The following CNTNAP1 variants were observed in gnomAD, a reference collection of about 807,000 sequenced individuals.
CNTNAP1 encodes the protein contactin-associated protein 1.
CNTNAP1 carries 80 observed loss-of-function variants against 161.5 expected under a neutral mutation model. The observed-to-expected ratio is 0.50, with a 90% CI of 0.41 to 0.60. CNTNAP1 has a LOEUF of 0.60. Among genes scored for constraint, CNTNAP1 ranks in the 20% least tolerant of loss-of-function variants. CNTNAP1 has a pLI of 0.00. For missense variants in CNTNAP1, 1,464 were observed against 1,854.8 expected (o/e 0.79, Z 3.87); for synonymous variants, 695 against 733.1 (o/e 0.95, Z 0.84).
In CNTNAP1 at chr17:42,686,156, A is replaced by G. The variant is rs2053004431; in HGVS notation, c.900+15A>G. On this transcript the variant is annotated intron_variant, in intron 6 of 23. Transcript: ENST00000264638. ...TGGACACTGAGGTGAGAGACTAGGG[A>G]GGTGCTATTTCGTGGTAGGGTAGAT... is the stretch of plus-strand genomic sequence containing the variant. The G allele has an allele frequency of 2.5e-6, 4 of 1,613,124 alleles. No homozygotes were observed. Among genetic ancestry groups the G allele is most frequent in the Admixed American group, 1.7e-5 (1 of 59,976 alleles).
Position 42,687,552 on chromosome 17 carries a change from A to G in CNTNAP1, c.1045-168A>G. On this transcript the variant is annotated intron_variant, in intron 7 of 23. Coordinates refer to ENST00000264638, the MANE Select transcript of CNTNAP1 (RefSeq NM_003632.3). The surrounding 1 kb of genome is among the most constrained non-coding windows in gnomAD (Gnocchi z 4.7). ...CCGACTGGGTTGGGGCCCCCTCCACAGATGGACGAGCTTGGAGGGGAAGAG... is the reference window on the plus strand; with the variant it reads ...CCGACTGGGTTGGGGCCCCCTCCACGGATGGACGAGCTTGGAGGGGAAGAG... 1.1e-6 allele frequency: 1 copy of G among 894,202 alleles called. No individual in the cohort carries two copies. The highest frequency in any genetic ancestry group is 2.6e-5 in the East Asian group (1 of 38,404). The allele number at this position is 894,202 out of a possible 1,614,324, so 55.4% of individuals were successfully genotyped here.
chr17:42,686,826 A>G (rs1411383045), intron 6 of CNTNAP1, 77 bp from the exon 7 acceptor site: 1 of 1,482,846 alleles, frequency 6.7e-7, no homozygotes, highest in East Asian at 2.3e-5. Flanking sequence ...CATTTGGGAA[A>G]GCATACGGCG....
chr17:42,682,862 C>T lies in CNTNAP1; in HGVS notation c.33C>T (p.Leu11=), dbSNP rs756221733. The change falls in exon 1 of 24, where the codon CTC becomes CTT. Residue 11 remains leucine (L), a synonymous_variant. Transcript: ENST00000264638. MMHLRLFCIL[L]AAVSGAEGWG... Reference sequence around the variant, plus strand: ...ATCTCCGGCTCTTCTGCATCCTGCTCGCCGCGGTCTCAGGAGCCGAGGGCT... The same window carrying T: ...ATCTCCGGCTCTTCTGCATCCTGCTTGCCGCGGTCTCAGGAGCCGAGGGCT... The T allele has an allele frequency of 2.5e-6, 4 of 1,598,488 alleles. No individual in the cohort carries two copies. Among genetic ancestry groups the T allele is most frequent in the African/African-American group, 1.3e-5 (1 of 74,618 alleles).
At position 42,685,983 on chromosome 17, in the gene CNTNAP1, G is replaced by A. The variant is rs2053000687; in HGVS notation, c.742G>A (p.Gly248Ser). Residue 248 changes from glycine to serine, a missense_variant, in exon 6 of 24, where the codon GGT becomes AGT. Physicochemically the swap from Gly to Ser is moderately conservative, Grantham distance 56 (BLOSUM62 0). Transcript: ENST00000264638. The surrounding 1 kb of genome is among the most constrained non-coding windows in gnomAD (Gnocchi z 5.0). ...LGSSPIQPRP[G>S]HTTVSAGGVL... ...CAGCAGCCCTATCCAGCCAAGACCA[G>A]GTCACACCACCGTGAGCGCAGGCGG... is the stretch of plus-strand genomic sequence containing the variant. 1 of 1,614,030 alleles carries A rather than the reference G, an allele frequency of 6.2e-7. No individual in the cohort carries two copies. The highest frequency in any genetic ancestry group is 8.5e-7 in the Non-Finnish European group (1 of 1,180,036).
rs1278548856 is a variant in CNTNAP1, at chr17:42,698,778, G to A, written c.4023G>A (p.Gln1341=). Residue 1341 remains glutamine (Q), a synonymous_variant, in exon 24 of 24, where the codon CAG becomes CAA. Transcript: ENST00000264638. ...CCCTACCCACTTCAGGCCCTGCCCAGGTCCCCACCCCTACAGCAGCTCCCA... is the reference window on the plus strand; with the variant it reads ...CCCTACCCACTTCAGGCCCTGCCCAAGTCCCCACCCCTACAGCAGCTCCCA... ...KPPLPTSGPA[Q]VPTPTAAPNQ... 7 of 1,612,150 alleles carry A rather than the reference G, an allele frequency of 4.3e-6. No individual in the cohort carries two copies. The highest frequency in any genetic ancestry group is 1.7e-5 in the Admixed American group (1 of 59,938).
chr17:42,692,606 G>A lies in CNTNAP1; in HGVS notation c.2638G>A (p.Ala880Thr). 3.1e-6 allele frequency: 5 copies of A among 1,614,220 alleles called. 1 individual carries two copies. Among genetic ancestry groups the A allele is most frequent in the Non-Finnish European group, 4.2e-6 (5 of 1,180,036 alleles). The part of the protein sequence containing the change: ...FNDDEWHLVR[A>T]EINVKQARLR... ...TGATGACGAGTGGCACCTGGTCCGG[G>A]CTGAAATCAACGTGAAGCAGGCCCG... Residue 880 changes from alanine (A) to threonine (T), a missense_variant, in exon 17 of 24, where the codon GCT (alanine) becomes ACT (threonine). By Grantham distance (58) the Ala-to-Thr change is moderately conservative (BLOSUM62 0). This residue lies in a region of CNTNAP1 where 1,383 missense variants were observed against 1,765.0 expected (regional missense o/e 0.78). Coordinates refer to ENST00000264638, the MANE Select transcript of CNTNAP1 (RefSeq NM_003632.3).
rs758241476 is a variant in CNTNAP1 at position 42,685,011 on chromosome 17, C to T, written c.384C>T (p.Asn128=). Residue 128 remains asparagine (N), a synonymous_variant, in exon 4 of 24, where the codon AAC becomes AAT. Coordinates refer to ENST00000264638, the MANE Select transcript of CNTNAP1 (RefSeq NM_003632.3). The surrounding 1 kb of genome is among the most constrained non-coding windows in gnomAD (Gnocchi z 5.0). The part of the protein sequence containing the change: ...GHNSTFFGNV[N]ESAVVRHDLH... ...CGCAGACCTTCTTTGGTAACGTGAA[C>T]GAGTCGGCGGTGGTGCGCCATGACC... 3.1e-6 allele frequency: 5 copies of T among 1,606,222 alleles called. No homozygotes were observed. Among genetic ancestry groups the T allele is most frequent in the African/African-American group, 1.3e-5 (1 of 74,520 alleles).
At chr17:42,696,284 C>A in intron 20 of CNTNAP1, 132 bp downstream of exon 20, 1 of 1,157,576 alleles carries the variant, frequency 8.6e-7, no homozygotes, top group Non-Finnish European at 1.2e-6. Context: ...CGTGTGTCAC[C>A]TCATGTAACC....
intron 3 of CNTNAP1, 105 bp downstream of exon 3, chr17:42,684,334 C>T (rs1458872355): frequency 6.3e-6 from 7 of 1,114,518 alleles, no homozygotes; most frequent in Non-Finnish European, 9.1e-6. Flanking sequence ...GGTGAGGGCT[C>T]GGACAAGGAG....
chr17:42,685,003 A>T lies in CNTNAP1; in HGVS notation c.376A>T (p.Asn126Tyr). The T allele has an allele frequency of 6.2e-7, 1 of 1,607,124 alleles. No individual in the cohort carries two copies. The highest frequency in any genetic ancestry group is 8.5e-7 in the Non-Finnish European group (1 of 1,178,152). ...QRGHNSTFFG[N>Y]VNESAVVRHD... Reference sequence around the variant, plus strand: ...TCCACCCCCGCAGACCTTCTTTGGTAACGTGAACGAGTCGGCGGTGGTGCG... The same window carrying T: ...TCCACCCCCGCAGACCTTCTTTGGTTACGTGAACGAGTCGGCGGTGGTGCG... The change falls in exon 4 of 24, where the codon AAC becomes TAC. Residue 126 changes from asparagine to tyrosine, a missense_variant. Transcript: ENST00000264638. The surrounding 1 kb of genome is among the most constrained non-coding windows in gnomAD (Gnocchi z 5.0).
chr17:42,688,793 G>A (rs1195634121), intron 9 of CNTNAP1, 83 bp from the exon 10 acceptor site: 7 of 1,561,104 alleles, frequency 4.5e-6, no homozygotes, highest in Admixed American at 1.8e-5. Flanking sequence ...CTTCCTTTAT[G>A]TCTGGCTCCC....
At position 42,697,551 on chromosome 17, in the gene CNTNAP1, C is replaced by CA; in HGVS notation, c.3569-2dup. ...CCTCTTTCTGGGCCTGCCTCTCTCTCAGAGACAGGAGTCATTGACCCGGAG... is the reference window on the plus strand; with the variant it reads ...CCTCTTTCTGGGCCTGCCTCTCTCTCAAGAGACAGGAGTCATTGACCCGGAG... On this transcript the variant is annotated splice_polypyrimidine_tract_variant and splice_region_variant and intron_variant, in intron 21 of 23. Coordinates refer to ENST00000264638, the MANE Select transcript of CNTNAP1 (RefSeq NM_003632.3). 6.2e-7 allele frequency: 1 copy of CA among 1,613,936 alleles called. No homozygotes were observed. The highest frequency in any genetic ancestry group is 2.2e-5 in the East Asian group (1 of 44,880).
At chr17:42,698,493 C>G in intron 23 of CNTNAP1, 125 bp from the exon 24 acceptor site, 1 of 602,884 alleles carries the variant, frequency 1.7e-6, no homozygotes, top group Non-Finnish European at 2.7e-6. Context: ...AGGTGAAATC[C>G]CAAAGTGTGT....
At position 42,691,944 on chromosome 17, in the gene CNTNAP1, G is replaced by C. The variant is rs1318376547; in HGVS notation, c.2483G>C (p.Gly828Ala). Residue 828 changes from glycine (G) to alanine (A), a missense_variant, in exon 16 of 24, where the codon GGC (glycine) becomes GCC (alanine). Physicochemically the swap from Gly to Ala is moderately conservative, Grantham distance 60 (BLOSUM62 0). Coordinates refer to ENST00000264638, the MANE Select transcript of CNTNAP1 (RefSeq NM_003632.3). The surrounding 1 kb of genome is among the most constrained non-coding windows in gnomAD (Gnocchi z 4.3). ...PSGVFLENMG[G>A]PYCQWRRPYV... is the part of the protein sequence containing the mutation. ...GGGGTCTTCCTAGAGAATATGGGGGGCCCTTACTGCCAGTGGCGCCGACCT... is the reference window on the plus strand; with the variant it reads ...GGGGTCTTCCTAGAGAATATGGGGGCCCCTTACTGCCAGTGGCGCCGACCT... The C allele has an allele frequency of 6.2e-7, 1 of 1,614,114 alleles. No individual in the cohort carries two copies. The highest frequency in any genetic ancestry group is 1.7e-5 in the Admixed American group (1 of 60,024).
rs781400525 is a variant in CNTNAP1 at position 42,687,062 on chromosome 17, G to A, written c.1044+16G>A. The A allele has an allele frequency of 8.7e-6, 14 of 1,604,500 alleles. No homozygotes were observed. In the Admixed American group the frequency reaches 2.2e-4, roughly 25 times the overall value. On this transcript the variant is annotated intron_variant, in intron 7 of 23. Transcript: ENST00000264638. The surrounding 1 kb of genome is among the most constrained non-coding windows in gnomAD (Gnocchi z 4.7). ...CACCTTCGAGGCCAGTGGGCAGGGG[G>A]GTCTGGGAGGACAGGATATCAAAGC...
In CNTNAP1 at chr17:42,684,976, C is replaced by T. The variant is rs375359122; in HGVS notation, c.364-15C>T. The T allele has an allele frequency of 2.9e-5, 47 of 1,607,212 alleles. No individual in the cohort carries two copies. The highest frequency in any genetic ancestry group is 3.6e-5 in the Non-Finnish European group (43 of 1,178,578). On this transcript the variant is annotated splice_polypyrimidine_tract_variant and intron_variant, in intron 3 of 23. Coordinates refer to ENST00000264638, the MANE Select transcript of CNTNAP1 (RefSeq NM_003632.3). Reference sequence around the variant, plus strand: ...GAGGGCAGGACGTGGTTACTACTCTCCTCCACCCCCGCAGACCTTCTTTGG... The same window carrying T: ...GAGGGCAGGACGTGGTTACTACTCTTCTCCACCCCCGCAGACCTTCTTTGG...
rs2053091312 is a variant in CNTNAP1, at chr17:42,691,897, C to T, written c.2436C>T (p.Tyr812=). 2 of 1,614,190 alleles carry T rather than the reference C, an allele frequency of 1.2e-6. No individual in the cohort carries two copies. The highest frequency in any genetic ancestry group is 2.2e-5 in the East Asian group (1 of 44,884). ...ACCACAGCCTGGATGTCTCCTTCTA[C>T]TTCAGGACCTCTGCTCCCTCGGGGG... ...RANHSLDVSF[Y]FRTSAPSGVF... is the part of the protein sequence containing the mutation. Residue 812 remains tyrosine (Y), a synonymous_variant, in exon 16 of 24, where the codon TAC becomes TAT. Transcript: ENST00000264638. The surrounding 1 kb of genome is among the most constrained non-coding windows in gnomAD (Gnocchi z 4.3).
At chr17:42,683,708 T>C in intron 1 of CNTNAP1, 113 bp from the exon 2 acceptor site, 3 of 1,333,520 alleles carry the variant, frequency 2.2e-6, no homozygotes, top group East Asian at 2.6e-5. Flanking sequence ...GGTGTGCCTC[T>C]GGGGGCGGGG....
intron 20 of CNTNAP1, among the ~76,000 whole-genome samples, 194 bp downstream of exon 20, chr17:42,696,346 G>C (rs1194141518): frequency 6.7e-6 from 1 of 148,446 alleles, no homozygotes. Flanking sequence ...TTTTTGAGAT[G>C]GAATTTTGCT....
Sources: allele counts gnomAD v4.1 joint callset (sites outside exome capture counted in the v4.1 genomes callset), GRCh38; gene constraint gnomAD v4.1.1; regional missense constraint gnomAD v4.1.1; non-coding constraint Gnocchi (gnomAD v3.1); transcripts MANE v1.5; gene names NCBI Gene and HGNC (gene_info 2026-07-23, HGNC 2026-07-21).